The following PRKN variants were observed in gnomAD, a reference collection of about 807,000 sequenced individuals.
PRKN encodes the protein E3 ubiquitin-protein ligase parkin.
PRKN carries 56 observed loss-of-function variants against 59.5 expected under a neutral mutation model. The observed-to-expected ratio is 0.94, with a 90% confidence interval of 0.76 to 1.18. PRKN has a LOEUF of 1.18. PRKN is among the 50% of genes most tolerant of loss of function. The pLI is 0.00. For missense variants in PRKN, 657 were observed against 596.4 expected (o/e 1.10, Z -1.06); for synonymous variants, 250 against 222.1 (o/e 1.13, Z -1.12).
At chr6:161,678,025 A>G (rs1345969592) in intron 7 of PRKN, among the ~76,000 whole-genome samples, 2 of 152,174 alleles carry the variant, frequency 1.3e-5, no homozygotes, top group Non-Finnish European at 2.9e-5. Context: ...CTGTCTAGAT[A>G]ACCTTAACCT....
chr6:162,241,119 C>T (rs2128091505), intron 3 of PRKN, among the ~76,000 whole-genome samples: 1 of 152,206 alleles, frequency 6.6e-6, no homozygotes, highest in South Asian at 2.1e-4. Context: ...ACCCATTTTC[C>T]TCTTCTACTG....
At chr6:162,426,800 C>A (rs1789260217) in intron 2 of PRKN, among the ~76,000 whole-genome samples, 1 of 152,120 alleles carries the variant, frequency 6.6e-6, no homozygotes, top group Non-Finnish European at 1.5e-5. Context: ...ATATTCAAGG[C>A]CACAACATAT....
At chr6:162,083,593 T>A (rs1300186712) in intron 4 of PRKN, among the ~76,000 whole-genome samples, 1 of 152,078 alleles carries the variant, frequency 6.6e-6, no homozygotes, top group East Asian at 1.9e-4. Context: ...AAAAGAGAAA[T>A]AATTTTTTTT....
At chr6:161,810,197 G>A (rs888562031) in intron 6 of PRKN, among the ~76,000 whole-genome samples, 1 of 152,180 alleles carries the variant, frequency 6.6e-6, no homozygotes, top group African/African-American at 2.4e-5. Flanking sequence ...CTATGACACA[G>A]ATATGTACAG....
intron 4 of PRKN, among the ~76,000 whole-genome samples, chr6:162,186,309 G>A (rs1278346242): frequency 6.9e-6 from 1 of 145,428 alleles, no homozygotes; most frequent in East Asian, 2.0e-4. Context: ...TTTTTTAACA[G>A]ACTTTTTTTT....
At position 161,480,346 on chromosome 6, in the gene PRKN, C is replaced by T. The variant is rs1202569439; in HGVS notation, c.1083+68508G>A. Among the ~76,000 whole-genome samples, 1 of 151,760 alleles carries T rather than the reference C, an allele frequency of 6.6e-6. No individual in the cohort carries two copies. Among genetic ancestry groups the T allele is most frequent in the Non-Finnish European group, 1.5e-5 (1 of 67,924 alleles). On this transcript the variant is annotated intron_variant, in intron 9 of 11. Transcript: ENST00000366898. This position sits in a 1 kb window ranked among gnomAD's most constrained non-coding sequence, Gnocchi z 4.1. ...AGTATGGGGCCCTGTGAGTATGGGGCCCTGTGTGACTGTACAGGTCGCACA... is the reference window on the plus strand; with the variant it reads ...AGTATGGGGCCCTGTGAGTATGGGGTCCTGTGTGACTGTACAGGTCGCACA...
rs558703348 is a variant in PRKN, at chr6:161,553,524, A to C, written c.934-4521T>G. On this transcript the variant is annotated intron_variant, in intron 8 of 11. Transcript: ENST00000366898. ...TTTGTACTTCTATCAGGAAGATCAT[A>C]ATGTCTTTCTCTCTTCTTGAAAGCT... Among the ~76,000 whole-genome samples, 16 of 152,256 alleles carry C rather than the reference A, an allele frequency of 1.1e-4. 1 individual carries two copies. Among genetic ancestry groups the C allele is most frequent in the African/African-American group, 2.9e-4 (12 of 41,540 alleles).
At chr6:162,168,328 C>A (rs1415537647) in intron 4 of PRKN, among the ~76,000 whole-genome samples, 1 of 151,908 alleles carries the variant, frequency 6.6e-6, no homozygotes, top group African/African-American at 2.4e-5. Flanking sequence ...CTATCAAAAT[C>A]CAAGACAGTG....
intron 5 of PRKN, among the ~76,000 whole-genome samples, chr6:162,008,122 A>G (rs1013562553): frequency 1.1e-4 from 17 of 152,214 alleles, no homozygotes; most frequent in Admixed American, 2.0e-4. Context: ...GAGGGTATCC[A>G]GGAAAGCTGA....
At chr6:162,556,344 TGTGTGTGTGTGTGTGTG>T (rs1779574496) in intron 1 of PRKN, among the ~76,000 whole-genome samples, 1,073 of 87,372 alleles carry the variant, frequency 0.012, 17 homozygotes, top group African/African-American at 0.028. Context: ...ACTCAGCTGG[TGTGTGTGTGTGTGTGTG>T]TGTGTGTGTG....
At chr6:162,261,663 C>T (rs919266573) in intron 3 of PRKN, among the ~76,000 whole-genome samples, 2 of 152,100 alleles carry the variant, frequency 1.3e-5, no homozygotes, top group African/African-American at 4.8e-5. Flanking sequence ...GAGCCTCTTT[C>T]CCTCCCACAA....
chr6:162,285,040 G>A (rs1781118230), intron 2 of PRKN, among the ~76,000 whole-genome samples: 2 of 152,104 alleles, frequency 1.3e-5, no homozygotes, highest in South Asian at 4.1e-4. Flanking sequence ...CCATGTGAAG[G>A]TACACGGAGA....
Position 162,257,018 on chromosome 6 carries a change from C to T in PRKN, c.412+5507G>A, listed in dbSNP as rs552515648. 5.3e-5 allele frequency among the ~76,000 whole-genome samples: 8 copies of T among 152,302 alleles called. No homozygotes were observed. The South Asian group carries it at 1.0e-3, about 20-fold the overall frequency. ...AAACAATTCCCACAGAGGCATGAAC[C>T]CAAACAGGCACGAACAAAAGCACAA... On this transcript the variant is annotated intron_variant, in intron 3 of 11. Transcript: ENST00000366898.
intron 4 of PRKN, among the ~76,000 whole-genome samples, chr6:162,192,374 A>C (rs1365846181): frequency 6.6e-6 from 1 of 151,944 alleles, no homozygotes; most frequent in African/African-American, 2.4e-5. Context: ...ATATCATAAC[A>C]ATTAAATATT....
At position 161,787,557 on chromosome 6, in the gene PRKN, G is replaced by C. The variant is rs572830350; in HGVS notation, c.735-1649C>G. Among the ~76,000 whole-genome samples, 19 of 152,306 alleles carry C rather than the reference G, an allele frequency of 1.2e-4. No homozygotes were observed. The East Asian group carries it at 3.3e-3, about 26-fold the overall frequency. ...CCATCTTGCTTTCAGCAACATGGTA[G>C]ACTAAAACCTTTATAGACCTCCCAA... On this transcript the variant is annotated intron_variant, in intron 6 of 11. Transcript: ENST00000366898.
intron 5 of PRKN, among the ~76,000 whole-genome samples, chr6:162,009,774 A>G (rs1022065442): frequency 1.3e-5 from 2 of 151,448 alleles, no homozygotes; most frequent in Non-Finnish European, 2.9e-5. Context: ...CATCTCTACT[A>G]AAAATACAAA....
intron 2 of PRKN, among the ~76,000 whole-genome samples, chr6:162,349,628 A>G (rs1322925176): frequency 6.6e-6 from 1 of 152,232 alleles, no homozygotes; most frequent in Admixed American, 6.5e-5. Flanking sequence ...TTTAAAAAGT[A>G]CATTATGATC....
Position 162,155,092 on chromosome 6 carries a change from A to G in PRKN, c.534+46039T>C, listed in dbSNP as rs1330429595. 2.8e-5 allele frequency among the ~76,000 whole-genome samples: 3 copies of G among 107,174 alleles called. No homozygotes were observed. The East Asian group carries it at 8.2e-4, about 29-fold the overall frequency. 70.3% of individuals were successfully genotyped at this position (107,174 alleles called of 152,430 possible). A position where few individuals can be genotyped will look rare whatever the true frequency, so the allele number is the denominator to read the frequency against. ...TCTATGGTAAATCAAAGATGGAAAA[A>G]AAATAAAACCTAAAAAAAAAAACAA... On this transcript the variant is annotated intron_variant, in intron 4 of 11. Coordinates refer to ENST00000366898, the MANE Select transcript of PRKN (RefSeq NM_004562.3).
At chr6:161,367,410 C>A (rs1582978285) in intron 10 of PRKN, among the ~76,000 whole-genome samples, 1 of 151,332 alleles carries the variant, frequency 6.6e-6, no homozygotes, top group African/African-American at 2.4e-5. Flanking sequence ...CCAGGCAGAT[C>A]TTGGCCTTGA....
Sources: allele counts gnomAD v4.1 joint callset (sites outside exome capture counted in the v4.1 genomes callset), GRCh38; gene constraint gnomAD v4.1.1; non-coding constraint Gnocchi (gnomAD v3.1); transcripts MANE v1.5; gene names NCBI Gene and HGNC (gene_info 2026-07-23, HGNC 2026-07-21).